Variants in PCDHGB3 observed in about 807,000 individuals in gnomAD.
PCDHGB3 encodes the protein protocadherin gamma subfamily B, 3, also known as protocadherin gamma-B3.
Under a neutral mutation model 59.2 loss-of-function variants are expected in PCDHGB3, and 40 were observed. The observed-to-expected ratio is 0.68, with a 90% confidence interval of 0.52 to 0.88. The LOEUF is 0.88. Among genes scored for constraint, PCDHGB3 ranks in the 40% least tolerant of loss-of-function variants. The pLI is 0.00. For synonymous variants in PCDHGB3, 581 were observed against 503.6 expected, an observed-to-expected ratio of 1.15 and a Z score of -2.06; for missense variants, 1,309 against 1,187.9, an observed-to-expected ratio of 1.10 and a Z score of -1.50.
chr5:141,404,705 G>A, intron 1 of PCDHGB3: 2 of 1,614,108 alleles, frequency 1.2e-6, no homozygotes, highest in South Asian at 2.2e-5. Flanking sequence ...TGCAGAGCCT[G>A]GCTACCTGGT....
chr5:141,435,254 G>C (rs1220755047), intron 1 of PCDHGB3, among the ~76,000 whole-genome samples: 1 of 152,018 alleles, frequency 6.6e-6, no homozygotes, highest in African/African-American at 2.4e-5. Flanking sequence ...GGCCATTAGG[G>C]ATATGTCCAT....
At chr5:141,376,366 A>G in intron 1 of PCDHGB3, 12 of 1,614,204 alleles carry the variant, frequency 7.4e-6, no homozygotes, top group South Asian at 1.1e-5. Flanking sequence ...CACTCACTGC[A>G]GACTCGCGTA....
At chr5:141,423,033 C>A (rs2096701827) in intron 1 of PCDHGB3, 2 of 1,614,102 alleles carry the variant, frequency 1.2e-6, no homozygotes, top group Non-Finnish European at 1.7e-6. Flanking sequence ...CAGGCCAGAA[C>A]GCCTGGCTGT....
chr5:141,406,159 A>G (rs1237857279), intron 1 of PCDHGB3, among the ~76,000 whole-genome samples: 3 of 151,234 alleles, frequency 2.0e-5, no homozygotes, highest in Non-Finnish European at 2.9e-5. Context: ...TGCAGTCTCA[A>G]TCTCCTGGGC....
In PCDHGB3 at chr5:141,491,533, C is replaced by G. The variant is rs758270791; in HGVS notation, c.2416-3274C>G. 4.3e-6 allele frequency: 7 copies of G among 1,614,010 alleles called. No homozygotes were observed. The highest frequency in any genetic ancestry group is 5.1e-6 in the Non-Finnish European group (6 of 1,180,028). ...GCTCAAGTACATGGAGGTGACGCTGCGGCCCACAGACTCGCAGAGCCACTG... is the reference window on the plus strand; with the variant it reads ...GCTCAAGTACATGGAGGTGACGCTGGGGCCCACAGACTCGCAGAGCCACTG... On this transcript the variant is annotated intron_variant, in intron 1 of 3. Transcript: ENST00000576222. The surrounding 1 kb of genome is among the most constrained non-coding windows in gnomAD (Gnocchi z 6.9).
intron 1 of PCDHGB3, chr5:141,393,938 C>G (rs537803893): frequency 9.3e-6 from 15 of 1,613,818 alleles, no homozygotes; most frequent in Non-Finnish European, 1.3e-5. Context: ...ATGACCAAGA[C>G]TCTGGAAAGA....
intron 1 of PCDHGB3, chr5:141,439,845 T>C (rs983341549): frequency 6.6e-6 from 1 of 152,252 alleles, no homozygotes; most frequent in Non-Finnish European, 1.5e-5. Flanking sequence ...ACTCTAACTG[T>C]GGAAAAGGTG....
chr5:141,482,404 A>C (rs1262544355), intron 1 of PCDHGB3, among the ~76,000 whole-genome samples: 1 of 152,076 alleles, frequency 6.6e-6, no homozygotes, highest in Non-Finnish European at 1.5e-5. Flanking sequence ...GTACTCAATA[A>C]CTATTTGTTG....
chr5:141,392,931 G>A (rs2092632355), intron 1 of PCDHGB3: 2 of 1,613,802 alleles, frequency 1.2e-6, no homozygotes, highest in Admixed American at 1.7e-5. Context: ...AGAAGAGACG[G>A]ACAAAGGCTC....
chr5:141,473,029 G>A (rs62379204), intron 1 of PCDHGB3, among the ~76,000 whole-genome samples: 15,982 of 147,800 alleles, frequency 0.11, 873 homozygotes, highest in South Asian at 0.15. Flanking sequence ...AAGGAAGGAA[G>A]GAAGGAAAGA....
chr5:141,440,373 G>A (rs866892003), intron 1 of PCDHGB3: 2 of 152,214 alleles, frequency 1.3e-5, no homozygotes, highest in Non-Finnish European at 2.9e-5. Context: ...GGCCGAGGCA[G>A]GAGAATCGCT....
Position 141,483,626 on chromosome 5 carries a change from G to A in PCDHGB3, c.2416-11181G>A, listed in dbSNP as rs112905417. On this transcript the variant is annotated intron_variant, in intron 1 of 3. Coordinates refer to ENST00000576222, the MANE Select transcript of PCDHGB3 (RefSeq NM_018924.5). ...TTACACCTCCATCATTCCCATGGGA[G>A]AAGGTATAGAGGGGTGTGTGTTTGT... Among the ~76,000 whole-genome samples the A allele has an allele frequency of 6.0e-4, 90 of 150,886 alleles. 1 individual carries two copies. The highest frequency in any genetic ancestry group is 1.7e-3 in the African/African-American group (69 of 40,378).
intron 1 of PCDHGB3, chr5:141,379,293 A>G (rs1451053160): frequency 6.6e-6 from 1 of 152,248 alleles, no homozygotes; most frequent in Non-Finnish European, 1.5e-5. Context: ...CAAGTTTCCA[A>G]AGGTATATAC....
intron 1 of PCDHGB3, chr5:141,430,885 C>T (rs771554381): frequency 5.6e-6 from 9 of 1,605,218 alleles, no homozygotes; most frequent in South Asian, 1.1e-5. Flanking sequence ...TGGAGAAAGG[C>T]TCTAGGGTGG....
At chr5:141,414,239 C>T in intron 1 of PCDHGB3, 1 of 1,613,498 alleles carries the variant, frequency 6.2e-7, no homozygotes, top group Non-Finnish European at 8.5e-7. Context: ...ACCATCACGT[C>T]TCTATTTAGT....
At chr5:141,433,066 C>A in intron 1 of PCDHGB3, 2 of 1,614,210 alleles carry the variant, frequency 1.2e-6, no homozygotes, top group Non-Finnish European at 1.7e-6. Context: ...GTCACCTGAT[C>A]TTCCCCCAGC....
At chr5:141,470,511 A>T (rs1043414941) in intron 1 of PCDHGB3, among the ~76,000 whole-genome samples, 37 of 152,198 alleles carry the variant, frequency 2.4e-4, no homozygotes, top group African/African-American at 8.7e-4. Flanking sequence ...TTAGACAGTT[A>T]GCTAATATTA....
chr5:141,432,266 T>G lies in PCDHGB3; in HGVS notation c.2415+59457T>G. ...CACCATCCAAGGGGCAAGCCTATCG[T>G]CCTACGTGTCCATCAACTCCGACAC... On this transcript the variant is annotated intron_variant, in intron 1 of 3. Transcript: ENST00000576222. This position sits in a 1 kb window ranked among gnomAD's most constrained non-coding sequence, Gnocchi z 6.0. The G allele has an allele frequency of 6.2e-7, 1 of 1,614,214 alleles. No individual in the cohort carries two copies. Among genetic ancestry groups the G allele is most frequent in the East Asian group, 2.2e-5 (1 of 44,880 alleles).
chr5:141,394,393 A>G lies in PCDHGB3; in HGVS notation c.2415+21584A>G, dbSNP rs201461446. ...TCTTTCGACTATGAGCAGATCCGAG[A>G]CCTGCAGCTACTGGTAACAGCCAGC... On this transcript the variant is annotated intron_variant, in intron 1 of 3. Coordinates refer to ENST00000576222, the MANE Select transcript of PCDHGB3 (RefSeq NM_018924.5). The G allele has an allele frequency of 4.3e-4, 696 of 1,614,048 alleles. No individual in the cohort carries two copies. The highest frequency in any genetic ancestry group is 5.7e-4 in the Non-Finnish European group (671 of 1,180,036).
Sources: allele counts gnomAD v4.1 joint callset (sites outside exome capture counted in the v4.1 genomes callset), GRCh38; gene constraint gnomAD v4.1.1; non-coding constraint Gnocchi (gnomAD v3.1); transcripts MANE v1.5; gene names NCBI Gene and HGNC (gene_info 2026-07-23, HGNC 2026-07-21).